Variants in UBR3 observed in about 807,000 individuals in gnomAD.
UBR3 encodes the protein E3 ubiquitin-protein ligase UBR3.
UBR3 carries 85 observed loss-of-function variants against 243.2 expected under a neutral mutation model. The observed-to-expected ratio is 0.35, with a 90% confidence interval of 0.29 to 0.42. The LOEUF is 0.42. UBR3 is among the 10% of genes least tolerant of loss of function. UBR3 has a pLI of 1.00. For synonymous variants in UBR3, 748 were observed against 799.8 expected (o/e 0.94, Z 1.09); for missense variants, 1,686 against 2,300.8 (o/e 0.73, Z 5.47).
At chr2:169,848,027 A>G (rs555868230) in intron 1 of UBR3, among the ~76,000 whole-genome samples, 1 of 152,192 alleles carries the variant, frequency 6.6e-6, no homozygotes, top group Non-Finnish European at 1.5e-5. Flanking sequence ...CTGTCTTCTC[A>G]GCTTCATAGA....
At chr2:169,891,069 A>T in intron 5 of UBR3, 96 bp from the exon 6 acceptor site, 1 of 760,428 alleles carries the variant, frequency 1.3e-6, no homozygotes, top group Non-Finnish European at 2.1e-6. Flanking sequence ...GTAAGCATGC[A>T]TATATTATGT....
chr2:170,035,599 G>A (rs1022724080), intron 31 of UBR3, among the ~76,000 whole-genome samples: 4 of 151,912 alleles, frequency 2.6e-5, no homozygotes, highest in African/African-American at 9.7e-5. Context: ...GGTAGTGTCA[G>A]TCATCTAATT....
chr2:170,045,198 G>T (rs2091054539), intron 32 of UBR3, among the ~76,000 whole-genome samples: 1 of 152,138 alleles, frequency 6.6e-6, no homozygotes, highest in East Asian at 1.9e-4. Context: ...GAGAATGATA[G>T]CCAAGTGAAA....
intron 32 of UBR3, among the ~76,000 whole-genome samples, chr2:170,053,200 T>C (rs548425431): frequency 1.3e-5 from 2 of 152,300 alleles, no homozygotes; most frequent in South Asian, 2.1e-4. Flanking sequence ...ATTCCCAGAA[T>C]TGATAAGAGT....
At chr2:170,037,363 G>T (rs1361301842) in intron 31 of UBR3, among the ~76,000 whole-genome samples, 1 of 151,974 alleles carries the variant, frequency 6.6e-6, no homozygotes, top group Non-Finnish European at 1.5e-5. Flanking sequence ...AAGGTTTTTA[G>T]AACATTTTCT....
At chr2:169,829,814 T>TACACACACAC (rs10530118) in intron 1 of UBR3, among the ~76,000 whole-genome samples, 3 of 149,116 alleles carry the variant, frequency 2.0e-5, no homozygotes, top group South Asian at 2.1e-4. Context: ...AGCTAAAAAG[T>TACACACACAC]ACACACACAC....
At chr2:170,076,407 C>A (rs1377615210) in intron 36 of UBR3, among the ~76,000 whole-genome samples, 1 of 152,130 alleles carries the variant, frequency 6.6e-6, no homozygotes, top group Non-Finnish European at 1.5e-5. Context: ...CTTATGACTG[C>A]AAATGCATCT....
chr2:169,994,113 G>A (rs942263548), intron 25 of UBR3, among the ~76,000 whole-genome samples: 12 of 152,272 alleles, frequency 7.9e-5, no homozygotes, highest in African/African-American at 2.6e-4. Flanking sequence ...ATAGTTCAGT[G>A]TTAATTTTTT....
At chr2:169,884,797 TG>T (rs1318465441) in intron 5 of UBR3, among the ~76,000 whole-genome samples, 5 of 152,206 alleles carry the variant, frequency 3.3e-5, no homozygotes, top group Admixed American at 6.5e-5. Flanking sequence ...AAAATGAATA[TG>T]ATTATTATTT....
intron 3 of UBR3, among the ~76,000 whole-genome samples, chr2:169,876,812 C>A (rs1347358090): frequency 6.6e-6 from 1 of 152,130 alleles, no homozygotes. Context: ...GATCTGCCAG[C>A]CTTGGCCTCC....
rs180808333 is a variant in UBR3, at chr2:170,057,148, C to T, written c.4785+1564C>T. 4.8e-5 allele frequency among the ~76,000 whole-genome samples: 7 copies of T among 144,720 alleles called. No individual in the cohort carries two copies. The East Asian group carries it at 8.1e-4, about 17-fold the overall frequency. 94.9% of individuals were successfully genotyped at this position (144,720 alleles called of 152,430 possible). On this transcript the variant is annotated intron_variant, in intron 33 of 38. Coordinates refer to ENST00000272793, the MANE Select transcript of UBR3 (RefSeq NM_172070.4). ...TTTTTTTTTTTTTGAGACAGGGTCT[C>T]ATTGTCACCCAGGCTGTAGTGCAAT...
intron 1 of UBR3, among the ~76,000 whole-genome samples, chr2:169,848,259 T>G (rs2082548795): frequency 6.6e-6 from 1 of 152,174 alleles, no homozygotes. Context: ...CTGGTTATTT[T>G]TGTTTTAGAT....
intron 1 of UBR3, among the ~76,000 whole-genome samples, chr2:169,838,389 G>A (rs1218258823): frequency 4.3e-4 from 1 of 2,330 alleles, no homozygotes; most frequent in South Asian, 0.02. Context: ...TAAGGCATTT[G>A]TGTGTGTGTG....
Position 169,905,106 on chromosome 2 carries a change from T to G in UBR3, c.1466-8T>G. 2 of 1,452,402 alleles carry G rather than the reference T, an allele frequency of 1.4e-6. No individual in the cohort carries two copies. Among genetic ancestry groups the G allele is most frequent in the Non-Finnish European group, 1.8e-6 (2 of 1,101,486 alleles). The allele number at this position is 1,452,402 out of a possible 1,614,324, so 90.0% of individuals were successfully genotyped here. A position where few individuals can be genotyped will look rare whatever the true frequency, so the allele number is the denominator to read the frequency against. Reference sequence around the variant, plus strand: ...TGAAATTTTTGGGTTGTGTGTGTCTTTTTTTAGATGAAGAAAATAGTTTAC... The same window carrying G: ...TGAAATTTTTGGGTTGTGTGTGTCTGTTTTTAGATGAAGAAAATAGTTTAC... On this transcript the variant is annotated splice_polypyrimidine_tract_variant and splice_region_variant and intron_variant, in intron 8 of 38. Transcript: ENST00000272793.
At chr2:169,987,443 G>C (rs1026212340) in intron 25 of UBR3, among the ~76,000 whole-genome samples, 3 of 150,220 alleles carry the variant, frequency 2.0e-5, no homozygotes, top group Non-Finnish European at 4.4e-5. Context: ...TCTAAAATCT[G>C]GGAAACTCCT....
At chr2:169,932,283 G>A (rs998268491) in intron 18 of UBR3, among the ~76,000 whole-genome samples, 16 of 151,990 alleles carry the variant, frequency 1.1e-4, no homozygotes, top group African/African-American at 3.6e-4. Flanking sequence ...TCACCATGAT[G>A]GCCAGGCTTG....
intron 5 of UBR3, among the ~76,000 whole-genome samples, chr2:169,881,787 G>T: frequency 1.5e-5 from 2 of 132,940 alleles, no homozygotes; most frequent in African/African-American, 2.8e-5. Flanking sequence ...TAATATATAT[G>T]TATATTTATA....
At chr2:169,972,511 C>T (rs2088208702) in intron 24 of UBR3, among the ~76,000 whole-genome samples, 1 of 152,050 alleles carries the variant, frequency 6.6e-6, no homozygotes, top group African/African-American at 2.4e-5. Context: ...TGCAAAAATC[C>T]TCAATAAAAT....
chr2:169,841,926 G>A (rs2082307391), intron 1 of UBR3, among the ~76,000 whole-genome samples: 1 of 152,376 alleles, frequency 6.6e-6, no homozygotes, highest in Non-Finnish European at 1.5e-5. Flanking sequence ...CGAGCGCACG[G>A]CACAGGACTG....
Sources: allele counts gnomAD v4.1 joint callset (sites outside exome capture counted in the v4.1 genomes callset), GRCh38; gene constraint gnomAD v4.1.1; transcripts MANE v1.5; gene names NCBI Gene and HGNC (gene_info 2026-07-23, HGNC 2026-07-21).